The following AGBL1 variants were observed in gnomAD, a reference collection of about 807,000 sequenced individuals.
AGBL1 encodes cytosolic carboxypeptidase 4.
Under a neutral mutation model 118.9 loss-of-function variants are expected in AGBL1, and 130 were observed. The ratio of observed to expected loss-of-function variants is 1.09; its 90% CI spans 0.95 to 1.26. AGBL1 has a LOEUF of 1.26. AGBL1 is among the 50% of genes most tolerant of loss of function. The pLI is 0.00. For synonymous variants in AGBL1, 555 were observed against 478.9 expected (o/e 1.16, Z -2.08); for missense variants, 1,584 against 1,298.1 (o/e 1.22, Z -3.38).
At chr15:86,797,742 G>C (rs141439702) in intron 22 of AGBL1, among the ~76,000 whole-genome samples, 55 of 152,288 alleles carry the variant, frequency 3.6e-4, no homozygotes, top group Middle Eastern at 3.4e-3. Flanking sequence ...GCATGGGGCA[G>C]GGGTGGTGGG....
intron 21 of AGBL1, among the ~76,000 whole-genome samples, chr15:86,660,102 A>G (rs2085516052): frequency 6.6e-6 from 1 of 151,668 alleles, no homozygotes. Flanking sequence ...AAGCAGAACC[A>G]TAGATGTTTA....
chr15:86,581,989 C>G (rs1334018929), intron 21 of AGBL1, among the ~76,000 whole-genome samples: 1 of 152,108 alleles, frequency 6.6e-6, no homozygotes, highest in Non-Finnish European at 1.5e-5. Context: ...TGGAAAGTTT[C>G]TCAACCTCAG....
At chr15:86,814,063 C>T (rs1445694324) in intron 22 of AGBL1, among the ~76,000 whole-genome samples, 5 of 152,244 alleles carry the variant, frequency 3.3e-5, no homozygotes, top group African/African-American at 1.2e-4. Context: ...GGGTTCCCAA[C>T]CCCTACGCTG....
At chr15:86,195,923 A>C (rs922214668) in intron 5 of AGBL1, among the ~76,000 whole-genome samples, 5 of 152,184 alleles carry the variant, frequency 3.3e-5, no homozygotes, top group Non-Finnish European at 7.3e-5. Context: ...TCTTTCAACA[A>C]CTATTCTCTT....
At chr15:86,957,895 T>A (rs2080947115) in intron 23 of AGBL1, among the ~76,000 whole-genome samples, 1 of 152,052 alleles carries the variant, frequency 6.6e-6, no homozygotes, top group South Asian at 2.1e-4. Flanking sequence ...ACAGTCAATA[T>A]AACTCTGAAC....
At chr15:86,839,408 G>A (rs1471849701) in intron 22 of AGBL1, among the ~76,000 whole-genome samples, 1 of 152,164 alleles carries the variant, frequency 6.6e-6, no homozygotes, top group African/African-American at 2.4e-5. Flanking sequence ...TGAAGGTGAT[G>A]TCTGCATATT....
chr15:87,029,199 G>A (rs1596758903), downstream of AGBL1: 1 of 189,100 alleles, frequency 5.3e-6, no homozygotes, highest in Non-Finnish European at 1.1e-5. Flanking sequence ...CTCTTACCAA[G>A]GCAGCTTCCA....
intron 1 of AGBL1, among the ~76,000 whole-genome samples, chr15:86,125,028 C>A (rs1898331025): frequency 6.6e-6 from 1 of 152,168 alleles, no homozygotes; most frequent in African/African-American, 2.4e-5. Context: ...ATCTCTGATT[C>A]ATGAGGGGCT....
intron 20 of AGBL1, among the ~76,000 whole-genome samples, chr15:86,551,259 A>C (rs1387365914): frequency 6.6e-6 from 1 of 152,138 alleles, no homozygotes; most frequent in African/African-American, 2.4e-5. Flanking sequence ...TCATATGAAC[A>C]ATAGAGAATC....
At chr15:86,805,656 G>A (rs746650881) in intron 22 of AGBL1, among the ~76,000 whole-genome samples, 2 of 152,162 alleles carry the variant, frequency 1.3e-5, no homozygotes, top group Admixed American at 6.6e-5. Context: ...GGACATGCTC[G>A]TTGATTTTCT....
intron 18 of AGBL1, among the ~76,000 whole-genome samples, chr15:86,454,790 T>C (rs2082240157): frequency 6.6e-6 from 1 of 152,204 alleles, no homozygotes; most frequent in South Asian, 2.1e-4. Context: ...AAAAATTTTA[T>C]ATCTTGACTG....
At chr15:87,002,453 C>A (rs1162635313) in intron 24 of AGBL1, among the ~76,000 whole-genome samples, 2 of 151,880 alleles carry the variant, frequency 1.3e-5, no homozygotes, top group African/African-American at 4.8e-5. Context: ...ATTGACTTGG[C>A]AATGTGGGCT....
chr15:86,443,174 A>G (rs998279593), intron 18 of AGBL1, among the ~76,000 whole-genome samples: 1 of 152,202 alleles, frequency 6.6e-6, no homozygotes, highest in East Asian at 1.9e-4. Context: ...GCCCTTCTGC[A>G]ATGACCATCT....
chr15:86,764,474 G>A (rs1429455200), intron 22 of AGBL1, among the ~76,000 whole-genome samples: 1 of 151,990 alleles, frequency 6.6e-6, no homozygotes, highest in Non-Finnish European at 1.5e-5. Context: ...GTGTGTTTAT[G>A]TATTTTAAAA....
intron 5 of AGBL1, among the ~76,000 whole-genome samples, chr15:86,200,627 T>TC (rs1224616149): frequency 1.3e-5 from 2 of 150,630 alleles, no homozygotes; most frequent in East Asian, 2.0e-4. Flanking sequence ...TTTTTCTTTT[T>TC]TTTTTTGAGA....
chr15:86,158,734 G>A (rs541187377), intron 4 of AGBL1, among the ~76,000 whole-genome samples, 199 bp from the exon 5 acceptor site: 24 of 152,102 alleles, frequency 1.6e-4, no homozygotes, highest in Non-Finnish European at 3.2e-4. Flanking sequence ...TTCTAGTTGC[G>A]GCACAGTCAA....
At chr15:86,486,611 C>T (rs2082715624) in intron 18 of AGBL1, among the ~76,000 whole-genome samples, 1 of 152,084 alleles carries the variant, frequency 6.6e-6, no homozygotes. Flanking sequence ...CAGTAGTTGT[C>T]ATGAGTAAAG....
Position 86,388,974 on chromosome 15 carries a change from G to A in AGBL1, c.2375-8392G>A, listed in dbSNP as rs115518428. 2.6e-3 allele frequency among the ~76,000 whole-genome samples: 395 copies of A among 152,260 alleles called. 2 individuals are homozygous for A. Among genetic ancestry groups the A allele is most frequent in the African/African-American group, 9.1e-3 (378 of 41,560 alleles). ...TTGTTACTATGTCATATATCTACCA[G>A]TTGTAATAACATGGCATGAATTTAA... On this transcript the variant is annotated intron_variant, in intron 17 of 22. Transcript: ENST00000614907.
intron 22 of AGBL1, among the ~76,000 whole-genome samples, chr15:86,706,152 T>C (rs2086445920): frequency 6.6e-6 from 1 of 152,110 alleles, no homozygotes; most frequent in Admixed American, 6.6e-5. Flanking sequence ...TGAATACTAT[T>C]GAAGGTTATG....
Sources: allele counts gnomAD v4.1 joint callset (sites outside exome capture counted in the v4.1 genomes callset), GRCh38; gene constraint gnomAD v4.1.1; transcripts MANE v1.5; gene names NCBI Gene and HGNC (gene_info 2026-07-23, HGNC 2026-07-21).